Variants in LYRM4 observed in about 807,000 individuals in gnomAD.
The protein encoded by LYRM4 is LYR motif containing 4, also known as LYR motif-containing protein 4.
A neutral mutation model predicts 11.7 loss-of-function variants in LYRM4; 9 were observed. The ratio of observed to expected loss-of-function variants is 0.77; its 90% CI spans 0.46 to 1.34. LYRM4 has a LOEUF of 1.34. LYRM4 is among the 40% of genes most tolerant of loss of function. LYRM4 has a pLI of 0.00. For synonymous variants in LYRM4, 42 were observed against 40.4 expected (o/e 1.04, Z -0.15); for missense variants, 133 against 112.5 (o/e 1.18, Z -0.82).
At chr6:5,146,849 C>G (rs1757756022) in intron 2 of LYRM4, among the ~76,000 whole-genome samples, 1 of 152,188 alleles carries the variant, frequency 6.6e-6, no homozygotes, top group Non-Finnish European at 1.5e-5. Context: ...GGTCTGTGGG[C>G]AGACACACTG....
intron 1 of LYRM4, among the ~76,000 whole-genome samples, chr6:5,227,755 C>G (rs1762975962): frequency 2.0e-5 from 3 of 152,104 alleles, no homozygotes; most frequent in Admixed American, 2.0e-4. Flanking sequence ...CAGTGATAGG[C>G]TGGATAAGAA....
chr6:5,085,895 C>T, the LYRM4 span: 4 of 1,531,772 alleles, frequency 2.6e-6, no homozygotes, highest in Non-Finnish European at 3.5e-6. Flanking sequence ...TTCGCGGACA[C>T]GCTGGGGCTA....
chr6:5,063,415 G>A, the LYRM4 span, among the ~76,000 whole-genome samples: 1 of 149,410 alleles, frequency 6.7e-6, no homozygotes, highest in South Asian at 2.1e-4. Flanking sequence ...AGCCTTTCCC[G>A]ACCCCCATCC....
At chr6:5,210,473 A>G (rs1410385697) in intron 2 of LYRM4, among the ~76,000 whole-genome samples, 2 of 152,122 alleles carry the variant, frequency 1.3e-5, no homozygotes, top group African/African-American at 2.4e-5. Context: ...AAAAAAACCA[A>G]TGACTGGCTA....
At chr6:5,036,610 T>G in the LYRM4 span, among the ~76,000 whole-genome samples, 1 of 152,190 alleles carries the variant, frequency 6.6e-6, no homozygotes, top group African/African-American at 2.4e-5. Flanking sequence ...GACTAGCGAG[T>G]GCTGATGGTC....
At chr6:5,151,825 G>C (rs1163447808) in intron 2 of LYRM4, among the ~76,000 whole-genome samples, 1 of 152,196 alleles carries the variant, frequency 6.6e-6, no homozygotes, top group East Asian at 1.9e-4. Flanking sequence ...TTATCAAATA[G>C]AGTCTTTAGG....
intron 2 of LYRM4, among the ~76,000 whole-genome samples, chr6:5,129,332 C>T (rs549386717): frequency 6.6e-5 from 10 of 152,148 alleles, no homozygotes; most frequent in South Asian, 4.1e-4. Context: ...GTTATGGAGG[C>T]CAGAAGTCAA....
At chr6:5,149,066 T>C (rs537076742) in intron 2 of LYRM4, among the ~76,000 whole-genome samples, 4 of 152,390 alleles carry the variant, frequency 2.6e-5, no homozygotes, top group African/African-American at 9.6e-5. Context: ...ATCTTTCAGA[T>C]AAATGATTGG....
chr6:5,233,984 C>G (rs181269485), intron 1 of LYRM4, among the ~76,000 whole-genome samples: 3 of 152,330 alleles, frequency 2.0e-5, no homozygotes, highest in Non-Finnish European at 2.9e-5. Flanking sequence ...AGTTCTACAG[C>G]CTGCCCTTTC....
At chr6:5,081,786 T>C in the LYRM4 span, among the ~76,000 whole-genome samples, 5 of 152,236 alleles carry the variant, frequency 3.3e-5, no homozygotes, top group African/African-American at 9.6e-5. Flanking sequence ...CCTGAATTTA[T>C]GCTAATGAGA....
the LYRM4 span, among the ~76,000 whole-genome samples, chr6:5,095,934 C>T: frequency 5.9e-5 from 9 of 152,172 alleles, no homozygotes; most frequent in Admixed American, 2.6e-4. Flanking sequence ...GAGCCGAGAT[C>T]GCACAACTGC....
intron 1 of LYRM4, among the ~76,000 whole-genome samples, chr6:5,257,442 C>T: frequency 6.6e-6 from 1 of 152,224 alleles, no homozygotes; most frequent in East Asian, 1.9e-4. Flanking sequence ...CTGTGTCCCA[C>T]ATAGGCCTGT....
intron 1 of LYRM4, 43 bp downstream of exon 1, chr6:5,260,605 C>A (rs766795190): frequency 2.9e-5 from 24 of 822,168 alleles, no homozygotes; most frequent in Non-Finnish European, 4.6e-5. Context: ...CGGTCCCCGG[C>A]CCCTGGCCCC....
chr6:5,228,111 T>G (rs1267134737), intron 1 of LYRM4, among the ~76,000 whole-genome samples: 1 of 151,944 alleles, frequency 6.6e-6, no homozygotes, highest in Non-Finnish European at 1.5e-5. Flanking sequence ...GTAAGAAACC[T>G]GCACATGTAT....
chr6:5,183,820 T>C (rs1377839666), intron 2 of LYRM4, among the ~76,000 whole-genome samples: 3 of 152,206 alleles, frequency 2.0e-5, no homozygotes, highest in African/African-American at 7.2e-5. Flanking sequence ...CTGTTAAGAA[T>C]AGTAAGAACC....
the LYRM4 span, among the ~76,000 whole-genome samples, chr6:5,063,308 G>C: frequency 6.6e-6 from 1 of 151,558 alleles, no homozygotes; most frequent in Admixed American, 6.6e-5. Context: ...TGGGCTTTTC[G>C]GATGCACTGT....
intron 2 of LYRM4, among the ~76,000 whole-genome samples, chr6:5,140,465 T>A (rs1757344049): frequency 6.6e-6 from 1 of 152,224 alleles, no homozygotes. Flanking sequence ...AATGAGTATT[T>A]CCAAAGTACA....
At chr6:5,066,487 CGGGTGGTTT>C in the LYRM4 span, 1 of 767,724 alleles carries the variant, frequency 1.3e-6, no homozygotes, top group Non-Finnish European at 2.4e-6. Context: ...GAAGCCATAG[CGGGTGGTTT>C]TATTACTCCA....
intron 2 of LYRM4, among the ~76,000 whole-genome samples, chr6:5,138,270 G>A (rs1757203523): frequency 6.6e-6 from 1 of 152,000 alleles, no homozygotes; most frequent in Non-Finnish European, 1.5e-5. Flanking sequence ...GACTGCTTGA[G>A]CCTAGGAGTT....
Sources: gnomAD v4.1 joint callset for allele counts (sites outside exome capture counted in the v4.1 genomes callset) on GRCh38, gnomAD v4.1.1 for gene constraint, MANE v1.5 for transcripts, NCBI Gene and HGNC (gene_info 2026-07-23, HGNC 2026-07-21) for gene names.